Variants in SGCZ observed in about 807,000 individuals in gnomAD.
SGCZ encodes the protein zeta-sarcoglycan.
SGCZ carries 40 observed loss-of-function variants against 41.3 expected under a neutral mutation model. The ratio of observed to expected loss-of-function variants is 0.97; its 90% CI spans 0.75 to 1.26. SGCZ has a LOEUF of 1.26. Among genes scored for constraint, SGCZ ranks in the 50% most tolerant of loss-of-function variants. SGCZ has a pLI of 0.00. For synonymous variants in SGCZ, 206 were observed against 137.5 expected (o/e 1.50, Z -3.49); for missense variants, 552 against 369.8 (o/e 1.49, Z -4.04).
At chr8:14,990,715 C>T (rs759810605) in intron 1 of SGCZ, among the ~76,000 whole-genome samples, 5 of 152,112 alleles carry the variant, frequency 3.3e-5, no homozygotes, top group South Asian at 2.1e-4. Context: ...AAATAAAGTG[C>T]GTAATAAAGG....
At chr8:14,190,484 G>A (rs539158316) in intron 4 of SGCZ, among the ~76,000 whole-genome samples, 30 of 152,074 alleles carry the variant, frequency 2.0e-4, no homozygotes, top group Non-Finnish European at 2.8e-4. Context: ...CAATTCAATA[G>A]TGAATACTGG....
intron 1 of SGCZ, among the ~76,000 whole-genome samples, chr8:15,044,032 C>T (rs1349331300): frequency 6.6e-6 from 1 of 152,094 alleles, no homozygotes; most frequent in Non-Finnish European, 1.5e-5. Flanking sequence ...GCCTATATTG[C>T]CATGCTTTCC....
intron 1 of SGCZ, among the ~76,000 whole-genome samples, chr8:15,204,075 CA>C (rs1800982399): frequency 6.6e-6 from 1 of 151,988 alleles, no homozygotes; most frequent in Admixed American, 6.6e-5. Context: ...AAATTATGAC[CA>C]ATTATAGTAG....
intron 1 of SGCZ, among the ~76,000 whole-genome samples, chr8:14,888,257 T>C (rs1440681608): frequency 6.6e-6 from 1 of 152,130 alleles, no homozygotes; most frequent in East Asian, 1.9e-4. Flanking sequence ...CACCGTCTCA[T>C]GGGTGGAGTA....
chr8:14,724,294 T>C lies in SGCZ; in HGVS notation c.40-169368A>G, dbSNP rs79647848. ...GTATATGTACACATATATGTGTACA[T>C]ACATAAGTGTATATATGTGTATATA... On this transcript the variant is annotated intron_variant, in intron 1 of 7. Transcript: ENST00000382080. 6.5e-4 allele frequency among the ~76,000 whole-genome samples: 98 copies of C among 150,946 alleles called. 2 individuals carry two copies. In the East Asian group the frequency reaches 0.017, roughly 26 times the overall value.
At chr8:14,932,315 T>G (rs989142485) in intron 1 of SGCZ, among the ~76,000 whole-genome samples, 1 of 152,014 alleles carries the variant, frequency 6.6e-6, no homozygotes, top group Non-Finnish European at 1.5e-5. Flanking sequence ...ATAAGTAGCT[T>G]CTGGCAAACT....
Position 14,843,122 on chromosome 8 carries a change from G to C in SGCZ, c.40-288196C>G, listed in dbSNP as rs112990681. Reference sequence around the variant, plus strand: ...AGCTACTTGGAAGGCTGAGGCAGGAGAATTGCTTGAACCCAGGAGGTGGAG... The same window carrying C: ...AGCTACTTGGAAGGCTGAGGCAGGACAATTGCTTGAACCCAGGAGGTGGAG... On this transcript the variant is annotated intron_variant, in intron 1 of 7. Transcript: ENST00000382080. Among the ~76,000 whole-genome samples the C allele has an allele frequency of 7.9e-3, 1,196 of 152,296 alleles. 18 individuals carry two copies. Among genetic ancestry groups the C allele is most frequent in the African/African-American group, 0.027 (1,120 of 41,568 alleles).
intron 1 of SGCZ, among the ~76,000 whole-genome samples, chr8:14,650,389 G>T (rs1807358446): frequency 6.6e-6 from 1 of 151,950 alleles, no homozygotes; most frequent in Non-Finnish European, 1.5e-5. Flanking sequence ...TACATGTGCA[G>T]GTTTGTCATA....
At chr8:14,721,372 T>G (rs920782972) in intron 1 of SGCZ, among the ~76,000 whole-genome samples, 1 of 152,184 alleles carries the variant, frequency 6.6e-6, no homozygotes, top group African/African-American at 2.4e-5. Context: ...AATCTAGATA[T>G]CCAAAAGAGA....
At chr8:14,394,294 G>C (rs192746709) in intron 2 of SGCZ, among the ~76,000 whole-genome samples, 2,291 of 151,964 alleles carry the variant, frequency 0.015, 59 homozygotes, top group African/African-American at 0.052. Flanking sequence ...GGGACTACAG[G>C]CATGCGCCAC....
chr8:14,975,402 C>T (rs775378086), intron 1 of SGCZ, among the ~76,000 whole-genome samples: 1 of 152,126 alleles, frequency 6.6e-6, no homozygotes, highest in Admixed American at 6.5e-5. Flanking sequence ...AAAATCCTCT[C>T]CTGGTTCTTA....
chr8:14,124,015 G>A (rs1802778068), intron 5 of SGCZ, among the ~76,000 whole-genome samples: 1 of 151,992 alleles, frequency 6.6e-6, no homozygotes, highest in African/African-American at 2.4e-5. Context: ...TAATGATGAG[G>A]GTCTTTAGGA....
intron 5 of SGCZ, among the ~76,000 whole-genome samples, chr8:14,123,667 T>G (rs1475910727): frequency 6.6e-6 from 1 of 152,180 alleles, no homozygotes; most frequent in East Asian, 1.9e-4. Flanking sequence ...AGTTTTCAAT[T>G]TAATAGTAAA....
intron 1 of SGCZ, among the ~76,000 whole-genome samples, chr8:14,893,348 C>G (rs1047051527): frequency 1.3e-5 from 2 of 152,134 alleles, no homozygotes; most frequent in African/African-American, 4.8e-5. Flanking sequence ...ACAGCCCTGC[C>G]ATCACCTTAA....
intron 1 of SGCZ, among the ~76,000 whole-genome samples, chr8:14,856,149 C>A (rs917953372): frequency 6.6e-6 from 1 of 152,112 alleles, no homozygotes; most frequent in Non-Finnish European, 1.5e-5. Flanking sequence ...GATATAAATT[C>A]CATTTTAATA....
intron 7 of SGCZ, among the ~76,000 whole-genome samples, chr8:14,098,906 A>C (rs1435564907): frequency 1.3e-5 from 2 of 152,168 alleles, no homozygotes; most frequent in East Asian, 1.9e-4. Context: ...CAGCATAGCC[A>C]TAATGGTGTT....
At chr8:14,605,436 A>G (rs777290750) in intron 1 of SGCZ, among the ~76,000 whole-genome samples, 8 of 152,168 alleles carry the variant, frequency 5.3e-5, no homozygotes, top group Non-Finnish European at 1.2e-4. Context: ...TAGTTACTTT[A>G]AAAATGTGCA....
chr8:15,044,279 TC>T (rs1372684848), intron 1 of SGCZ, among the ~76,000 whole-genome samples: 1 of 152,142 alleles, frequency 6.6e-6, no homozygotes, highest in African/African-American at 2.4e-5. Flanking sequence ...AACTTGCTTC[TC>T]CATCAATTCA....
At chr8:14,974,367 A>T (rs1801396373) in intron 1 of SGCZ, among the ~76,000 whole-genome samples, 1 of 152,224 alleles carries the variant, frequency 6.6e-6, no homozygotes, top group Non-Finnish European at 1.5e-5. Context: ...GGAAGTTCAG[A>T]ATCACATAGA....
Sources: allele counts gnomAD v4.1 joint callset (sites outside exome capture counted in the v4.1 genomes callset), GRCh38; gene constraint gnomAD v4.1.1; transcripts MANE v1.5; gene names NCBI Gene and HGNC (gene_info 2026-07-23, HGNC 2026-07-21).